The following CP variants were observed in gnomAD, a reference collection of about 807,000 sequenced individuals.
CP encodes the protein ceruloplasmin, also known as caeruloplasmin.
Under a neutral mutation model 122.4 loss-of-function variants are expected in CP, and 64 were observed. The ratio of observed to expected loss-of-function variants is 0.52; its 90% CI spans 0.43 to 0.64. The LOEUF (loss-of-function observed/expected upper bound fraction) is 0.64, where lower values mean the gene tolerates loss of function less well. Ranked by LOEUF, CP falls within the 30% of genes least tolerant of loss-of-function variation. CP has a pLI of 0.00. For synonymous variants in CP, 440 were observed against 436.4 expected (o/e 1.01, Z -0.10); for missense variants, 1,167 against 1,284.4 (o/e 0.91, Z 1.40).
chr3:149,173,737 A>G lies in CP; in HGVS notation c.3182-7T>C. 7.1e-7 allele frequency: 1 copy of G among 1,404,746 alleles called. No homozygotes were observed. The highest frequency in any genetic ancestry group is 9.9e-7 in the Non-Finnish European group (1 of 1,013,258). The allele number at this position is 1,404,746 out of a possible 1,614,324, so 87.0% of individuals were successfully genotyped here. On this transcript the variant is annotated splice_polypyrimidine_tract_variant and splice_region_variant and intron_variant, in intron 18 of 18. Coordinates refer to ENST00000264613, the MANE Select transcript of CP (RefSeq NM_000096.4). Reference sequence around the variant, plus strand: ...ATTCAGCCAGATTTGGTGTCTATAGAAAAAGAAATTTTAAGACCATTATTA... The same window carrying G: ...ATTCAGCCAGATTTGGTGTCTATAGGAAAAGAAATTTTAAGACCATTATTA...
intron 14 of CP, 40 bp from the exon 15 acceptor site, chr3:149,179,702 T>A: frequency 7.9e-7 from 1 of 1,264,640 alleles, no homozygotes; most frequent in Non-Finnish European, 1.1e-6. Flanking sequence ...TTGTATTTGG[T>A]TTATATTGTA....
intron 11 of CP, 80 bp from the exon 12 acceptor site, chr3:149,185,526 G>T: frequency 7.5e-7 from 1 of 1,337,088 alleles, no homozygotes; most frequent in Non-Finnish European, 1.1e-6. Context: ...AATTAATGCT[G>T]AAGTCCTTAT....
chr3:149,195,699 T>C (rs1190039731), intron 9 of CP, among the ~76,000 whole-genome samples: 1 of 152,030 alleles, frequency 6.6e-6, no homozygotes, highest in Non-Finnish European at 1.5e-5. Flanking sequence ...CCGTCTCTAC[T>C]AAAAATACAA....
chr3:149,178,298 G>T, intron 16 of CP, 117 bp downstream of exon 16: 1 of 792,884 alleles, frequency 1.3e-6, no homozygotes, highest in Non-Finnish European at 2.1e-6. Flanking sequence ...GACATACAAA[G>T]TGAGGCAGAA....
At chr3:149,195,600 G>T (rs1466017682) in intron 9 of CP, among the ~76,000 whole-genome samples, 1 of 152,160 alleles carries the variant, frequency 6.6e-6, no homozygotes, top group East Asian at 1.9e-4. Context: ...ATACACACAC[G>T]TTTGTTTATT....
Position 149,207,685 on chromosome 3 carries a change from T to C in CP, c.782-68A>G, listed in dbSNP as rs1288845212. On this transcript the variant is annotated intron_variant, in intron 4 of 18. Coordinates refer to ENST00000264613, the MANE Select transcript of CP (RefSeq NM_000096.4). ...CTTGAGATAGTGAGAGTTACCTCTA[T>C]ATAAATAGAATCAATTTGGAATGGC... is the stretch of plus-strand genomic sequence containing the variant. 40 of 1,541,168 alleles carry C rather than the reference T, an allele frequency of 2.6e-5. No homozygotes were observed. In the East Asian group the frequency reaches 6.3e-4, roughly 24 times the overall value.
intron 5 of CP, among the ~76,000 whole-genome samples, chr3:149,163,506 T>C (rs1388427983): frequency 1.3e-5 from 2 of 152,186 alleles, no homozygotes; most frequent in African/African-American, 2.4e-5. Context: ...ATGAAAGATA[T>C]TTTGCCTTCT....
At chr3:149,171,971 C>T (rs1576718070), downstream of CP, 2 of 835,948 alleles carry the variant, frequency 2.4e-6, no homozygotes, top group Non-Finnish European at 3.9e-6. Context: ...TCCCAAAGTG[C>T]TGGGATTACA....
At chr3:149,208,198 G>T (rs1174813711) in intron 4 of CP, among the ~76,000 whole-genome samples, 1 of 152,058 alleles carries the variant, frequency 6.6e-6, no homozygotes, top group Non-Finnish European at 1.5e-5. Flanking sequence ...AGACCTAAAA[G>T]TTCATAGGCA....
At chr3:149,192,981 TACACACACACAC>T (rs3070607) in intron 9 of CP, among the ~76,000 whole-genome samples, 2 of 148,804 alleles carry the variant, frequency 1.3e-5, no homozygotes, top group East Asian at 4.0e-4. Flanking sequence ...TGATCCTGTA[TACACACACACAC>T]ACACACACAC....
At chr3:149,192,100 G>A (rs966780280) in intron 9 of CP, among the ~76,000 whole-genome samples, 3 of 151,920 alleles carry the variant, frequency 2.0e-5, no homozygotes, top group Non-Finnish European at 4.4e-5. Flanking sequence ...AATAAAAAGG[G>A]AAAATAATTC....
intron 2 of CP, among the ~76,000 whole-genome samples, chr3:149,211,634 A>G (rs1728104937): frequency 6.6e-6 from 1 of 152,246 alleles, no homozygotes; most frequent in Non-Finnish European, 1.5e-5. Context: ...TCATCCAGGC[A>G]TATGTACCAT....
At chr3:149,167,203 T>G (rs1293661121) in intron 4 of CP, 1 of 1,613,804 alleles carries the variant, frequency 6.2e-7, no homozygotes, top group Non-Finnish European at 8.5e-7. Context: ...GAGGCAGTCA[T>G]TCCATATGCT....
At chr3:149,212,797 G>A (rs917981619) in intron 1 of CP, 99 bp from the exon 2 acceptor site, 2 of 1,388,948 alleles carry the variant, frequency 1.4e-6, no homozygotes, top group African/African-American at 1.5e-5. Flanking sequence ...AAATTAATGA[G>A]CACATCACAT....
chr3:149,174,484 G>A (rs771532728), intron 18 of CP, among the ~76,000 whole-genome samples: 5 of 152,176 alleles, frequency 3.3e-5, no homozygotes, highest in East Asian at 1.9e-4. Context: ...ATGTGGCTAC[G>A]CACATCATTA....
chr3:149,210,434 G>C, intron 2 of CP, 55 bp from the exon 3 acceptor site: 1 of 1,402,642 alleles, frequency 7.1e-7, no homozygotes, highest in Non-Finnish European at 1.0e-6. Context: ...ACTTAAATGA[G>C]AGAATAGATA....
At position 149,199,721 on chromosome 3, in the gene CP, G is replaced by T; in HGVS notation, c.1492C>A (p.Gln498Lys). ...GTYYSPNYNPQSRSVPPSASH... is the reference protein window; with the variant it reads ...GTYYSPNYNPKSRSVPPSASH... The stretch of plus-strand genomic sequence containing the variant: ...AGTGCTGTATACTCACTTCTGCTCT[G>T]GGGGTTGTAATTTGGGGAATAGTAT... The change falls in exon 8 of 19, where the codon CAG becomes AAG. Residue 498 changes from glutamine to lysine, a missense_variant. By Grantham distance (53) the Gln-to-Lys change is moderately conservative (BLOSUM62 1). Coordinates refer to ENST00000264613, the MANE Select transcript of CP (RefSeq NM_000096.4). 1 of 1,614,034 alleles carries T rather than the reference G, an allele frequency of 6.2e-7. No homozygotes were observed. The highest frequency in any genetic ancestry group is 1.1e-5 in the South Asian group (1 of 91,078).
rs753870634 is a variant in CP at position 149,221,627 on chromosome 3, C to A, written c.146+20G>T. On this transcript the variant is annotated intron_variant, in intron 1 of 18. Coordinates refer to ENST00000264613, the MANE Select transcript of CP (RefSeq NM_000096.4). Reference sequence around the variant, plus strand: ...ATAACTTAAAATTTTGGTCTATAAACAATAAAAATAGTGACTTACGTGTCA... The same window carrying A: ...ATAACTTAAAATTTTGGTCTATAAAAAATAAAAATAGTGACTTACGTGTCA... The A allele has an allele frequency of 6.2e-7, 1 of 1,607,354 alleles. No homozygotes were observed. Among genetic ancestry groups the A allele is most frequent in the Admixed American group, 1.7e-5 (1 of 59,120 alleles).
chr3:149,180,213 C>A, intron 14 of CP: 1 of 160,698 alleles, frequency 6.2e-6, no homozygotes, highest in Non-Finnish European at 1.4e-5. Context: ...CATGAGTCAC[C>A]GACTTGACAC....
Sources: allele counts gnomAD v4.1 joint callset (sites outside exome capture counted in the v4.1 genomes callset), GRCh38; gene constraint gnomAD v4.1.1; transcripts MANE v1.5; gene names NCBI Gene and HGNC (gene_info 2026-07-23, HGNC 2026-07-21).